CDH9: variants seen among roughly 807,000 people sequenced by gnomAD.
The protein encoded by CDH9 is cadherin 9, also known as cadherin-9.
A neutral mutation model predicts 70.9 loss-of-function variants in CDH9; 28 were observed. That is an observed-to-expected ratio of 0.40 (90% CI 0.29 to 0.54). CDH9 has a LOEUF of 0.54. Ranked by LOEUF, CDH9 falls within the 20% of genes least tolerant of loss-of-function variation. The pLI, the probability that CDH9 is intolerant of heterozygous loss-of-function variation, is 0.59. For synonymous variants in CDH9, 409 were observed against 343.1 expected (o/e 1.19, Z -2.12); for missense variants, 874 against 984.4 (o/e 0.89, Z 1.50).
chr5:26,910,179 C>T (rs1212133147), intron 3 of CDH9, among the ~76,000 whole-genome samples: 3 of 151,932 alleles, frequency 2.0e-5, no homozygotes, highest in East Asian at 1.9e-4. Context: ...TATTTAAAAT[C>T]GCAAATGTAA....
chr5:26,906,964 T>C, intron 3 of CDH9, 126 bp from the exon 4 acceptor site: 1 of 1,287,320 alleles, frequency 7.8e-7, no homozygotes, highest in Non-Finnish European at 9.9e-7. Flanking sequence ...AAGAAATTTA[T>C]TTAAATACTT....
chr5:26,961,003 A>T (rs1742025759), intron 2 of CDH9, among the ~76,000 whole-genome samples: 1 of 151,924 alleles, frequency 6.6e-6, no homozygotes, highest in Non-Finnish European at 1.5e-5. Flanking sequence ...CTTGATTTCA[A>T]TGGCTGGAAA....
chr5:26,944,568 GC>G (rs1741715431), intron 2 of CDH9, among the ~76,000 whole-genome samples: 1 of 152,130 alleles, frequency 6.6e-6, no homozygotes, highest in Non-Finnish European at 1.5e-5. Flanking sequence ...CAGGAGGATT[GC>G]TTGAGCTCAG....
intron 2 of CDH9, among the ~76,000 whole-genome samples, chr5:26,922,119 A>T (rs1741255623): frequency 6.6e-6 from 1 of 152,038 alleles, no homozygotes; most frequent in Non-Finnish European, 1.5e-5. Context: ...AGGGAAAATT[A>T]AGTTATTGGC....
chr5:26,889,057 C>T (rs1163585134), intron 9 of CDH9, among the ~76,000 whole-genome samples: 1 of 152,056 alleles, frequency 6.6e-6, no homozygotes, highest in East Asian at 1.9e-4. Flanking sequence ...ATAATATTCT[C>T]TATTGGAATA....
At chr5:26,899,859 A>G (rs956727829) in intron 7 of CDH9, among the ~76,000 whole-genome samples, 29 of 150,976 alleles carry the variant, frequency 1.9e-4, no homozygotes, top group African/African-American at 6.8e-4. Flanking sequence ...CACAGAACTT[A>G]AAGTATAATT....
chr5:26,988,403 A>T, intron 1 of CDH9, 21 bp from the exon 2 acceptor site: 2 of 1,558,810 alleles, frequency 1.3e-6, no homozygotes, highest in Non-Finnish European at 1.7e-6. Flanking sequence ...AGGAGAAAAA[A>T]AATGGCTGTA....
intron 3 of CDH9, among the ~76,000 whole-genome samples, chr5:26,912,584 T>C (rs1475142331): frequency 6.6e-6 from 1 of 151,674 alleles, no homozygotes; most frequent in Non-Finnish European, 1.5e-5. Context: ...CTTATTTAGA[T>C]TTAATTTAAA....
At chr5:26,943,148 C>T (rs1741690865) in intron 2 of CDH9, among the ~76,000 whole-genome samples, 1 of 152,036 alleles carries the variant, frequency 6.6e-6, no homozygotes, top group Non-Finnish European at 1.5e-5. Flanking sequence ...AAAATGCAAA[C>T]ACAAAACCTT....
chr5:26,944,488 C>G (rs1028700313), intron 2 of CDH9, among the ~76,000 whole-genome samples: 1 of 151,940 alleles, frequency 6.6e-6, no homozygotes, highest in Non-Finnish European at 1.5e-5. Flanking sequence ...CGTTTCCCCC[C>G]AAACTTTTAA....
At chr5:26,899,627 TCA>T (rs969357985) in intron 7 of CDH9, among the ~76,000 whole-genome samples, 1 of 151,570 alleles carries the variant, frequency 6.6e-6, no homozygotes, top group African/African-American at 2.4e-5. Flanking sequence ...AGGGAGAACA[TCA>T]CACACTGGGG....
chr5:27,022,902 T>C (rs1025308400), intron 1 of CDH9, among the ~76,000 whole-genome samples: 4 of 152,072 alleles, frequency 2.6e-5, no homozygotes, highest in Non-Finnish European at 5.9e-5. Flanking sequence ...TTTAGACTTT[T>C]GGATACTTCC....
intron 7 of CDH9, among the ~76,000 whole-genome samples, chr5:26,899,618 G>A (rs968022236): frequency 6.6e-6 from 1 of 151,996 alleles, no homozygotes; most frequent in Non-Finnish European, 1.5e-5. Flanking sequence ...CATGGACACA[G>A]GGAGAACATC....
intron 2 of CDH9, among the ~76,000 whole-genome samples, chr5:26,962,789 G>T (rs927616654): frequency 6.6e-6 from 1 of 151,818 alleles, no homozygotes; most frequent in Admixed American, 6.6e-5. Flanking sequence ...CATGTGTTCT[G>T]TTCTCTTCTG....
In CDH9 at chr5:26,904,566, T is replaced by A. The variant is rs185343322; in HGVS notation, c.812-742A>T. ...TCCTCAAAGGACCAATTTAGCTATA[T>A]CATCTTCAGGGGCAGGTCTTAAGGA... On this transcript the variant is annotated intron_variant, in intron 5 of 11. Coordinates refer to ENST00000231021, the MANE Select transcript of CDH9 (RefSeq NM_016279.4). 6.2e-4 allele frequency among the ~76,000 whole-genome samples: 95 copies of A among 152,222 alleles called. 1 individual carries two copies. The highest frequency in any genetic ancestry group is 2.1e-3 in the African/African-American group (89 of 41,574).
At chr5:26,905,291 A>T (rs2111991048) in intron 5 of CDH9, among the ~76,000 whole-genome samples, 1 of 152,236 alleles carries the variant, frequency 6.6e-6, no homozygotes, top group Non-Finnish European at 1.5e-5. Flanking sequence ...TCTATCCTAA[A>T]ATGGTGACAA....
chr5:26,968,855 ATAAT>A (rs1742171310), intron 2 of CDH9, among the ~76,000 whole-genome samples: 1 of 152,200 alleles, frequency 6.6e-6, no homozygotes, highest in Non-Finnish European at 1.5e-5. Context: ...AATATGGTAA[ATAAT>A]TAAGATACTA....
chr5:27,033,250 G>T (rs1050978748), intron 1 of CDH9, among the ~76,000 whole-genome samples: 1 of 151,076 alleles, frequency 6.6e-6, no homozygotes, highest in African/African-American at 2.4e-5. Context: ...AGTTATTTTA[G>T]TTCCTCCAGT....
intron 2 of CDH9, among the ~76,000 whole-genome samples, chr5:26,956,666 T>C (rs578100169): frequency 6.6e-6 from 1 of 152,304 alleles, no homozygotes; most frequent in Non-Finnish European, 1.5e-5. Flanking sequence ...ACAGGCTTTC[T>C]GCTTTCCACC....
Sources: allele counts gnomAD v4.1 joint callset (sites outside exome capture counted in the v4.1 genomes callset), GRCh38; gene constraint gnomAD v4.1.1; transcripts MANE v1.5; gene names NCBI Gene and HGNC (gene_info 2026-07-23, HGNC 2026-07-21).